The following HERC1 variants were observed in gnomAD, a reference collection of about 807,000 sequenced individuals.
HERC1 encodes the protein probable E3 ubiquitin-protein ligase HERC1.
In HERC1, 160 loss-of-function variants were observed where a neutral mutation model predicts 554.3. The observed-to-expected ratio is 0.29, with a 90% CI of 0.25 to 0.33. The LOEUF is 0.33. Ranked by LOEUF, HERC1 falls within the 10% of genes least tolerant of loss-of-function variation. The pLI, the probability that HERC1 is intolerant of heterozygous loss-of-function variation, is 1.00. For missense variants in HERC1, 4,919 were observed against 5,918.5 expected, an observed-to-expected ratio of 0.83 and a Z score of 5.54; for synonymous variants, 2,175 against 2,131.7, an observed-to-expected ratio of 1.02 and a Z score of -0.56.
At chr15:63,786,195 G>A (rs892020435) in intron 1 of HERC1, among the ~76,000 whole-genome samples, 22 of 151,250 alleles carry the variant, frequency 1.5e-4, no homozygotes, top group Admixed American at 5.3e-4. Context: ...CCAGGAGTTC[G>A]AGGCTGTAGT....
At chr15:63,660,937 A>C (rs1261711620) in intron 46 of HERC1, 36 bp downstream of exon 46, 1 of 1,301,196 alleles carries the variant, frequency 7.7e-7, no homozygotes, top group East Asian at 2.3e-5. Flanking sequence ...TATATAAAAA[A>C]ACATGTAAAA....
chr15:63,702,648 T>G (rs1042226669), intron 25 of HERC1, among the ~76,000 whole-genome samples: 2 of 152,222 alleles, frequency 1.3e-5, no homozygotes, highest in African/African-American at 4.8e-5. Context: ...TTGTCAAGAA[T>G]TTTATCAGGC....
At chr15:63,716,193 G>T in intron 22 of HERC1, 109 bp downstream of exon 22, 1 of 969,440 alleles carries the variant, frequency 1.0e-6, no homozygotes, top group Admixed American at 2.3e-5. Context: ...AGAATATAAA[G>T]TCCTTTTAGA....
chr15:63,701,495 C>A (rs2072721702), intron 25 of HERC1, among the ~76,000 whole-genome samples: 1 of 152,062 alleles, frequency 6.6e-6, no homozygotes, highest in Non-Finnish European at 1.5e-5. Flanking sequence ...CTTTGCAGAC[C>A]ATAAGGTCTC....
chr15:63,734,569 G>T lies in HERC1; in HGVS notation c.2646+155C>A. 1 of 518,576 alleles carries T rather than the reference G, an allele frequency of 1.9e-6. No individual in the cohort carries two copies. Among genetic ancestry groups the T allele is most frequent in the Non-Finnish European group, 3.3e-6 (1 of 305,418 alleles). The allele number at this position is 518,576 out of a possible 1,614,324, so 32.1% of individuals were successfully genotyped here. ...TAAATTATCACTTGCTTCACCTAAG[G>T]TTGTTAAGACAACTGGGAATTCTTC... On this transcript the variant is annotated intron_variant, in intron 13 of 77. Coordinates refer to ENST00000443617, the MANE Select transcript of HERC1 (RefSeq NM_003922.4). This position sits in a 1 kb window ranked among gnomAD's most constrained non-coding sequence, Gnocchi z 4.6.
At chr15:63,782,344 T>A (rs80235525) in intron 1 of HERC1, among the ~76,000 whole-genome samples, 2,562 of 152,312 alleles carry the variant, frequency 0.017, 67 homozygotes, top group African/African-American at 0.059. Flanking sequence ...CTGAAAAACC[T>A]AGGGCACCTA....
chr15:63,777,542 G>C (rs745376507), intron 1 of HERC1, among the ~76,000 whole-genome samples: 12 of 152,126 alleles, frequency 7.9e-5, no homozygotes, highest in Admixed American at 2.6e-4. Flanking sequence ...TCTTATGTTT[G>C]TTGGTCATCT....
intron 55 of HERC1, among the ~76,000 whole-genome samples, chr15:63,647,178 TG>T (rs1178287712): frequency 1.3e-5 from 2 of 151,594 alleles, no homozygotes; most frequent in Non-Finnish European, 2.9e-5. Flanking sequence ...TGCTTGAACC[TG>T]GGGGTTGGAA....
intron 51 of HERC1, 127 bp from the exon 52 acceptor site, chr15:63,652,668 C>G (rs577010345): frequency 1.3e-6 from 1 of 773,168 alleles, no homozygotes; most frequent in African/African-American, 1.8e-5. Flanking sequence ...CCTTTCTTTT[C>G]TTGAGATGAA....
chr15:63,688,999 T>C (rs2071946074), intron 33 of HERC1, among the ~76,000 whole-genome samples: 1 of 152,134 alleles, frequency 6.6e-6, no homozygotes, highest in South Asian at 2.1e-4. Context: ...GCTTTAGGTA[T>C]GGATGAGACT....
chr15:63,719,209 G>A (rs1486040636), intron 19 of HERC1, among the ~76,000 whole-genome samples: 1 of 152,216 alleles, frequency 6.6e-6, no homozygotes, highest in African/African-American at 2.4e-5. Context: ...AGGAGAACAG[G>A]GAGTACTGTA....
At position 63,663,033 on chromosome 15, in the gene HERC1, T is replaced by C. The variant is rs761739102; in HGVS notation, c.8852A>G (p.Asn2951Ser). ...TGGGATCCACATTCCCAGAATATCA[T>C]TGTCACTGGTCAGGTCTTGTCCAAA... ...AMFGQDLTSDNDILGMWIPEV... is the reference protein window; with the variant it reads ...AMFGQDLTSDSDILGMWIPEV... The change falls in exon 44 of 78, where the codon AAT becomes AGT. Residue 2951 changes from asparagine (N) to serine (S), a missense_variant. Physicochemically the swap from Asn to Ser is conservative, Grantham distance 46. This residue lies in a region of HERC1 where 1,963 missense variants were observed against 2,228.6 expected (regional missense o/e 0.88). Coordinates refer to ENST00000443617, the MANE Select transcript of HERC1 (RefSeq NM_003922.4). 39 of 1,613,898 alleles carry C rather than the reference T, an allele frequency of 2.4e-5. No homozygotes were observed. Among genetic ancestry groups the C allele is most frequent in the South Asian group, 6.6e-5 (6 of 91,088 alleles).
At chr15:63,627,535 G>A (rs889636677) in intron 70 of HERC1, among the ~76,000 whole-genome samples, 1 of 152,098 alleles carries the variant, frequency 6.6e-6, no homozygotes, top group African/African-American at 2.4e-5. Flanking sequence ...TGAGTTGGGC[G>A]TGGTGGCACA....
At chr15:63,771,086 G>A (rs970037722) in intron 2 of HERC1, among the ~76,000 whole-genome samples, 3 of 151,988 alleles carry the variant, frequency 2.0e-5, no homozygotes, top group Non-Finnish European at 2.9e-5. Flanking sequence ...CTACTGGGGA[G>A]GCTGAGGCAC....
intron 1 of HERC1, among the ~76,000 whole-genome samples, chr15:63,825,104 T>C (rs1405862263): frequency 6.6e-6 from 1 of 151,688 alleles, no homozygotes; most frequent in Admixed American, 6.6e-5. Context: ...AGGCCGGGAG[T>C]TCGAGAGCAG....
At chr15:63,678,405 G>T in intron 36 of HERC1, 40 bp from the exon 37 acceptor site, 1 of 1,511,718 alleles carries the variant, frequency 6.6e-7, no homozygotes, top group Non-Finnish European at 8.8e-7. Context: ...CATGCTATTA[G>T]TAGTTCTTCT....
chr15:63,710,181 T>G (rs929292283), intron 24 of HERC1, among the ~76,000 whole-genome samples: 3 of 152,208 alleles, frequency 2.0e-5, no homozygotes, highest in African/African-American at 7.2e-5. Flanking sequence ...AGTCTGTAAT[T>G]TGGACTTGCG....
chr15:63,786,878 G>A (rs1182837114), intron 1 of HERC1, among the ~76,000 whole-genome samples: 1 of 151,232 alleles, frequency 6.6e-6, no homozygotes, highest in Non-Finnish European at 1.5e-5. Flanking sequence ...ACTTTAAGAT[G>A]GTTAATTGTA....
rs188884518 is a variant in HERC1, at chr15:63,684,121, G to A, written c.6225+2238C>T. 4.6e-5 allele frequency among the ~76,000 whole-genome samples: 7 copies of A among 152,194 alleles called. No homozygotes were observed. The East Asian group carries it at 1.3e-3, about 29-fold the overall frequency. ...TCCACGAAAAGAGTGTGTTTTCTGG[G>A]GGCAATATACTTCCAAACACTCTTT... On this transcript the variant is annotated intron_variant, in intron 34 of 77. Transcript: ENST00000443617.
Sources: allele counts gnomAD v4.1 joint callset (sites outside exome capture counted in the v4.1 genomes callset), GRCh38; gene constraint gnomAD v4.1.1; regional missense constraint gnomAD v4.1.1; non-coding constraint Gnocchi (gnomAD v3.1); transcripts MANE v1.5; gene names NCBI Gene and HGNC (gene_info 2026-07-23, HGNC 2026-07-21).